The following ABI3BP variants were observed in gnomAD, a reference collection of about 807,000 sequenced individuals.
The protein encoded by ABI3BP is target of Nesh-SH3.
ABI3BP carries 216 observed loss-of-function variants against 268.6 expected under a neutral mutation model. The observed-to-expected ratio is 0.80, with a 90% CI of 0.72 to 0.90. ABI3BP has a LOEUF of 0.90. ABI3BP is among the 40% of genes least tolerant of loss of function. The probability of loss-of-function intolerance (pLI) is 0.00; values close to 1 mark genes in which losing one functional copy is unlikely to be tolerated. For synonymous variants in ABI3BP, 730 were observed against 730.0 expected, an observed-to-expected ratio of 1.00 and a Z score of 0.00; for missense variants, 2,090 against 2,182.4, an observed-to-expected ratio of 0.96 and a Z score of 0.84.
intron 1 of ABI3BP, among the ~76,000 whole-genome samples, chr3:100,969,839 T>A (rs1017367773): frequency 4.6e-5 from 7 of 150,878 alleles, no homozygotes; most frequent in Admixed American, 4.0e-4. Context: ...GAGTAAAGCT[T>A]TTTTTTTTAA....
In ABI3BP at chr3:100,811,273, C is replaced by T; in HGVS notation, c.3498G>A (p.Val1166=). 1.3e-6 allele frequency: 2 copies of T among 1,532,652 alleles called. No individual in the cohort carries two copies. The highest frequency in any genetic ancestry group is 1.7e-6 in the Non-Finnish European group (2 of 1,145,094). 94.9% of individuals were successfully genotyped at this position (1,532,652 alleles called of 1,614,324 possible). A position where few individuals can be genotyped will look rare whatever the true frequency, so the allele number is the denominator to read the frequency against. The change falls in exon 48 of 68, where the codon GTG becomes GTA. Residue 1166 remains valine (V), a synonymous_variant. Coordinates refer to ENST00000471714, the MANE Select transcript of ABI3BP (RefSeq NM_001375547.2). The part of the protein sequence containing the change: ...LWPEEPKTEV[V]ESITYVSEPP... ...GTTCAGATACATATGTAATAGATTC[C>T]ACAACTGTACCAAAACAAAGGAGAA...
intron 1 of ABI3BP, among the ~76,000 whole-genome samples, chr3:100,939,669 C>T (rs1024702001): frequency 6.6e-6 from 1 of 152,056 alleles, no homozygotes; most frequent in Non-Finnish European, 1.5e-5. Flanking sequence ...GATCACAGAA[C>T]CACAGGACCG....
chr3:100,986,258 G>A (rs147543071), intron 1 of ABI3BP, among the ~76,000 whole-genome samples: 176 of 152,308 alleles, frequency 1.2e-3, no homozygotes, highest in Non-Finnish European at 1.8e-3. Context: ...ACAACCATGT[G>A]AGCTTGGAAG....
At chr3:100,891,141 T>A (rs767409431) in intron 4 of ABI3BP, among the ~76,000 whole-genome samples, 73 of 152,296 alleles carry the variant, frequency 4.8e-4, no homozygotes, top group Non-Finnish European at 8.4e-4. Flanking sequence ...AACTCAACAG[T>A]AGGATCATGA....
chr3:100,871,120 A>T (rs568724700), intron 9 of ABI3BP, among the ~76,000 whole-genome samples: 16 of 152,194 alleles, frequency 1.1e-4, no homozygotes, highest in Admixed American at 1.0e-3. Context: ...GAAAACAAGA[A>T]CTATAATTAT....
chr3:100,912,252 T>G (rs1040215172), intron 2 of ABI3BP: 1 of 36,492 alleles, frequency 2.7e-5, no homozygotes, highest in Non-Finnish European at 5.4e-5. Flanking sequence ...AAACAGTTTA[T>G]AGAAAAGGAA....
Position 100,838,551 on chromosome 3 carries a change from T to C in ABI3BP, c.1946-87A>G, listed in dbSNP as rs2098640990. 7 of 1,130,084 alleles carry C rather than the reference T, an allele frequency of 6.2e-6. No individual in the cohort carries two copies. In the South Asian group the frequency reaches 6.7e-5, roughly 11 times the overall value. 70.0% of individuals were successfully genotyped at this position (1,130,084 alleles called of 1,614,324 possible). ...ACAATTATGCAGAACAAAGACACTA[T>C]ATAAATTCAACGAATCTATAAACAT... On this transcript the variant is annotated intron_variant, in intron 24 of 67. Coordinates refer to ENST00000471714, the MANE Select transcript of ABI3BP (RefSeq NM_001375547.2).
chr3:100,755,180 G>T (rs1226813939), intron 63 of ABI3BP, among the ~76,000 whole-genome samples: 1 of 152,182 alleles, frequency 6.6e-6, no homozygotes, highest in African/African-American at 2.4e-5. Context: ...ACATCATAGG[G>T]TGGCAGTGGT....
chr3:100,988,422 C>T (rs1240949924), intron 1 of ABI3BP, among the ~76,000 whole-genome samples: 1 of 152,150 alleles, frequency 6.6e-6, no homozygotes, highest in Non-Finnish European at 1.5e-5. Context: ...AGGCTTCCCT[C>T]TCAGTACTTT....
chr3:100,959,959 T>A lies in ABI3BP; in HGVS notation c.79+33347A>T, dbSNP rs570862430. Among the ~76,000 whole-genome samples the A allele has an allele frequency of 6.6e-5, 10 of 152,304 alleles. No homozygotes were observed. The South Asian group carries it at 1.9e-3, about 28-fold the overall frequency. On this transcript the variant is annotated intron_variant, in intron 1 of 67. Transcript: ENST00000471714. ...CATATGACTACACAAAGTCAGTTTT[T>A]TTAAAAAAAATTTGCAAAGAACCAA...
chr3:100,874,560 T>C (rs1365679133), intron 9 of ABI3BP, among the ~76,000 whole-genome samples: 1 of 152,212 alleles, frequency 6.6e-6, no homozygotes, highest in East Asian at 1.9e-4. Flanking sequence ...AGAATTACTT[T>C]ATTAGAAAGT....
intron 14 of ABI3BP, among the ~76,000 whole-genome samples, chr3:100,858,291 C>A (rs1192770214): frequency 6.6e-6 from 1 of 152,130 alleles, no homozygotes; most frequent in African/African-American, 2.4e-5. Flanking sequence ...AGGTTTAATG[C>A]AAAATGCAAT....
intron 1 of ABI3BP, among the ~76,000 whole-genome samples, chr3:100,938,258 C>A (rs1034640546): frequency 1.3e-5 from 2 of 151,078 alleles, no homozygotes; most frequent in Non-Finnish European, 2.9e-5. Flanking sequence ...CATGAGTTTC[C>A]CTATATAACA....
intron 14 of ABI3BP, among the ~76,000 whole-genome samples, chr3:100,859,607 G>A (rs1000600736): frequency 6.8e-6 from 1 of 147,522 alleles, no homozygotes; most frequent in Non-Finnish European, 1.5e-5. Context: ...TCAAAACAAA[G>A]GCTGAAATAA....
chr3:100,914,748 C>T lies in ABI3BP; in HGVS notation c.259+11554G>A, dbSNP rs142073904. On this transcript the variant is annotated intron_variant, in intron 2 of 67. Coordinates refer to ENST00000471714, the MANE Select transcript of ABI3BP (RefSeq NM_001375547.2). ...TTAAAGGGGGGAAAGAGGGCATCTCCTTCCAGTAATGTGTACTCCCAATGG... is the reference window on the plus strand; with the variant it reads ...TTAAAGGGGGGAAAGAGGGCATCTCTTTCCAGTAATGTGTACTCCCAATGG... Among the ~76,000 whole-genome samples, 641 of 152,228 alleles carry T rather than the reference C, an allele frequency of 4.2e-3. 4 individuals are homozygous for T. Among genetic ancestry groups the T allele is most frequent in the African/African-American group, 0.014 (594 of 41,530 alleles).
At chr3:100,856,506 A>G (rs2153090834) in intron 14 of ABI3BP, among the ~76,000 whole-genome samples, 1 of 152,372 alleles carries the variant, frequency 6.6e-6, no homozygotes, top group East Asian at 1.9e-4. Flanking sequence ...AAATTATACC[A>G]GAATAAGTAG....
rs60261694 is a variant in ABI3BP, at chr3:100,841,194, C to CTTTTTTTTTTT, written c.1766-347_1766-337dup. 2.8e-3 allele frequency among the ~76,000 whole-genome samples: 110 copies of CTTTTTTTTTTT among 39,610 alleles called. 4 individuals carry two copies. The highest frequency in any genetic ancestry group is 9.1e-3 in the East Asian group (9 of 984). 26.0% of individuals were successfully genotyped at this position (39,610 alleles called of 152,430 possible). Reference sequence around the variant, plus strand: ...AATTGGCTAAGATGGCATTAGAACACTTTTTTTTTTTTTTTTTTTTTTTTT... The same window carrying CTTTTTTTTTTT: ...AATTGGCTAAGATGGCATTAGAACACTTTTTTTTTTTTTTTTTTTTTTTTTTTTTTTTTTTT... On this transcript the variant is annotated intron_variant, in intron 21 of 67. Coordinates refer to ENST00000471714, the MANE Select transcript of ABI3BP (RefSeq NM_001375547.2).
chr3:100,772,844 C>T (rs930714108), intron 61 of ABI3BP, among the ~76,000 whole-genome samples: 1 of 151,880 alleles, frequency 6.6e-6, no homozygotes, highest in Non-Finnish European at 1.5e-5. Flanking sequence ...TTTGGGAGGC[C>T]GAGATGGGTG....
At chr3:100,977,780 T>C (rs2086987939) in intron 1 of ABI3BP, among the ~76,000 whole-genome samples, 1 of 152,196 alleles carries the variant, frequency 6.6e-6, no homozygotes, top group Admixed American at 6.5e-5. Flanking sequence ...GTGAGAATAA[T>C]TGAGGGCCAC....
Sources: allele counts gnomAD v4.1 joint callset (sites outside exome capture counted in the v4.1 genomes callset), GRCh38; gene constraint gnomAD v4.1.1; transcripts MANE v1.5; gene names NCBI Gene and HGNC (gene_info 2026-07-23, HGNC 2026-07-21).